Variants in ZFTRAF1 observed in about 807,000 individuals in gnomAD.
The protein encoded by ZFTRAF1 is zinc finger TRAF-type and ring finger containing 1, also known as zinc finger TRAF-type-containing protein 1.
At chr8:144,452,428 G>A in the ZFTRAF1 span, 57 of 1,550,082 alleles carry the variant, frequency 3.7e-5, no homozygotes, top group African/African-American at 6.3e-4. Context: ...TCCTTGCGGT[G>A]GCTCTGGTCC....
At chr8:144,452,226 G>A in the ZFTRAF1 span, 57 of 1,021,150 alleles carry the variant, frequency 5.6e-5, no homozygotes, top group Non-Finnish European at 7.8e-5. Flanking sequence ...CCTGTCCACC[G>A]GGAGCTTGTC....
At chr8:144,453,648 G>C in the ZFTRAF1 span, 1 of 595,910 alleles carries the variant, frequency 1.7e-6, no homozygotes, top group African/African-American at 1.9e-5. Flanking sequence ...GAAACAGGCA[G>C]AGCCAGCTTG....
the ZFTRAF1 span, chr8:144,462,276 G>A: frequency 8.6e-6 from 5 of 579,690 alleles, no homozygotes; most frequent in South Asian, 1.8e-5. Flanking sequence ...TCGGCCGGCG[G>A]CCCTACCTGG....
chr8:144,458,900 G>C, the ZFTRAF1 span, among the ~76,000 whole-genome samples: 1 of 152,234 alleles, frequency 6.6e-6, no homozygotes, highest in Non-Finnish European at 1.5e-5. Context: ...ATCTGTGAGA[G>C]GCCCCTGCCC....
chr8:144,453,501 G>A, the ZFTRAF1 span: 1 of 1,495,090 alleles, frequency 6.7e-7, no homozygotes, highest in Non-Finnish European at 9.1e-7. Context: ...CAGACCTGCG[G>A]GCTCATGCTC....
chr8:144,452,299 T>C, the ZFTRAF1 span: 2 of 1,526,976 alleles, frequency 1.3e-6, no homozygotes, highest in Non-Finnish European at 1.8e-6. Context: ...CCCAGACTCC[T>C]GGCTGCCAGC....
chr8:144,451,774 CCA>C, the ZFTRAF1 span: 1 of 169,436 alleles, frequency 5.9e-6, no homozygotes, highest in African/African-American at 2.4e-5. Context: ...GCCACGAGAT[CCA>C]GTGTGCCTGC....
the ZFTRAF1 span, chr8:144,452,528 G>A: frequency 5.8e-6 from 9 of 1,540,996 alleles, no homozygotes; most frequent in South Asian, 2.4e-5. Context: ...GGAAGGGGCC[G>A]TGCCATGGGC....
At chr8:144,461,159 G>A in the ZFTRAF1 span, among the ~76,000 whole-genome samples, 1 of 152,222 alleles carries the variant, frequency 6.6e-6, no homozygotes, top group South Asian at 2.1e-4. Context: ...TGGAGATCCA[G>A]AGTTTGGAGA....
chr8:144,451,947 C>A, the ZFTRAF1 span: 1 of 286,246 alleles, frequency 3.5e-6, no homozygotes, highest in South Asian at 3.6e-5. Context: ...GGACCTCACT[C>A]GGCAGGGTGC....
At chr8:144,454,816 C>T in the ZFTRAF1 span, 2 of 152,336 alleles carry the variant, frequency 1.3e-5, no homozygotes, top group African/African-American at 4.8e-5. Flanking sequence ...CATCCTACTG[C>T]TTCAGCTGCC....
At chr8:144,455,659 C>G in the ZFTRAF1 span, 1 of 152,342 alleles carries the variant, frequency 6.6e-6, no homozygotes, top group Non-Finnish European at 1.5e-5. Context: ...CAGCTCTGCA[C>G]GTACAGTGGC....
At chr8:144,456,053 G>C in the ZFTRAF1 span, 2 of 152,364 alleles carry the variant, frequency 1.3e-5, no homozygotes, top group South Asian at 2.1e-4. Context: ...GGACCTGCAA[G>C]CTCCGAGGAG....
the ZFTRAF1 span, among the ~76,000 whole-genome samples, chr8:144,459,624 G>T: frequency 6.6e-6 from 1 of 152,364 alleles, no homozygotes; most frequent in East Asian, 1.9e-4. Flanking sequence ...TGCCAGCACT[G>T]GTGGCATCTG....
chr8:144,451,492 G>C, the ZFTRAF1 span: 1 of 153,414 alleles, frequency 6.5e-6, no homozygotes, highest in African/African-American at 2.4e-5. Flanking sequence ...CTGCCGCAGA[G>C]ACCCCAGGCC....
chr8:144,462,790 G>A, the ZFTRAF1 span: 1 of 151,506 alleles, frequency 6.6e-6, no homozygotes, highest in Admixed American at 6.6e-5. Context: ...CCGCCTCAGT[G>A]GGCCCGGCCC....
the ZFTRAF1 span, chr8:144,450,370 G>A: frequency 2.4e-5 from 17 of 710,768 alleles, no homozygotes; most frequent in African/African-American, 1.0e-4. Flanking sequence ...GACATCCTGA[G>A]GCCCCGCCCT....
chr8:144,450,637 C>T, the ZFTRAF1 span: 1 of 718,030 alleles, frequency 1.4e-6, no homozygotes. Flanking sequence ...GCTTGCAGGA[C>T]AGGTTGGGGT....
At chr8:144,450,038 C>T in the ZFTRAF1 span, 1 of 340,866 alleles carries the variant, frequency 2.9e-6, no homozygotes. Flanking sequence ...AGCAGCACCG[C>T]CGCCTGACTG....
Sources: allele counts gnomAD v4.1 joint callset (sites outside exome capture counted in the v4.1 genomes callset), GRCh38; gene constraint gnomAD v4.1.1; transcripts MANE v1.5; gene names NCBI Gene and HGNC (gene_info 2026-07-23, HGNC 2026-07-21).